Variants in ZDHHC11 observed in about 807,000 individuals in gnomAD.
The protein encoded by ZDHHC11 is palmitoyltransferase ZDHHC11.
Under a neutral mutation model 51.3 loss-of-function variants are expected in ZDHHC11, and 44 were observed. The ratio of observed to expected loss-of-function variants is 0.86; its 90% CI spans 0.67 to 1.10. ZDHHC11 has a LOEUF of 1.10. Ranked by LOEUF, ZDHHC11 falls within the 50% of genes least tolerant of loss-of-function variation. ZDHHC11 has a pLI of 0.00. For missense variants in ZDHHC11, 400 were observed against 537.7 expected (o/e 0.74, Z 2.53); for synonymous variants, 163 against 222.0 (o/e 0.73, Z 2.36).
chr5:850,829 T>C lies in ZDHHC11; in HGVS notation c.-227A>G, dbSNP rs1747104220. ...GAATGAACAGACATGCTGCAGAATGTGACCCCGGCCAGAGCCGAGTGGCAA... is the reference window on the plus strand; with the variant it reads ...GAATGAACAGACATGCTGCAGAATGCGACCCCGGCCAGAGCCGAGTGGCAA... On this transcript the variant is annotated 5_prime_UTR_variant, in exon 1 of 13. Coordinates refer to ENST00000283441, the MANE Select transcript of ZDHHC11 (RefSeq NM_024786.3). 4 of 619,748 alleles carry C rather than the reference T, an allele frequency of 6.5e-6. No homozygotes were observed. Among genetic ancestry groups the C allele is most frequent in the Non-Finnish European group, 1.1e-5 (4 of 359,618 alleles). 38.4% of individuals were successfully genotyped at this position (619,748 alleles called of 1,614,324 possible).
intron 10 of ZDHHC11, chr5:816,464 T>C (rs1213209972): frequency 2.1e-6 from 1 of 483,688 alleles, no homozygotes; most frequent in East Asian, 5.6e-5. Flanking sequence ...AAGTCGAAGA[T>C]AAGTGATATG....
At position 841,469 on chromosome 5, in the gene ZDHHC11, C is replaced by T. The variant is rs71593354; in HGVS notation, c.629-819G>A. 7.4e-3 allele frequency: 6,652 copies of T among 903,182 alleles called. 234 individuals carry two copies. Among genetic ancestry groups the T allele is most frequent in the Admixed American group, 0.015 (243 of 15,940 alleles). The allele number at this position is 903,182 out of a possible 1,614,324, so 55.9% of individuals were successfully genotyped here. A position where few individuals can be genotyped will look rare whatever the true frequency, so the allele number is the denominator to read the frequency against. ...GCCGGGGTCACAGTGCCCACCCCTTCCTCACTAAGTGCCAGGGTCACAGCA... is the reference window on the plus strand; with the variant it reads ...GCCGGGGTCACAGTGCCCACCCCTTTCTCACTAAGTGCCAGGGTCACAGCA... On this transcript the variant is annotated intron_variant, in intron 4 of 12. Coordinates refer to ENST00000283441, the MANE Select transcript of ZDHHC11 (RefSeq NM_024786.3).
intron 6 of ZDHHC11, among the ~76,000 whole-genome samples, chr5:835,873 C>T (rs998119143): frequency 4.6e-5 from 7 of 151,648 alleles, no homozygotes; most frequent in African/African-American, 1.2e-4. Context: ...AAATATAACC[C>T]GGATTTTTCA....
upstream of ZDHHC11, among the ~76,000 whole-genome samples, chr5:851,693 G>T (rs1747255791): frequency 6.6e-6 from 1 of 152,190 alleles, no homozygotes; most frequent in South Asian, 2.1e-4. Flanking sequence ...GGGGCCACAG[G>T]ACCCTGGGGC....
intron 9 of ZDHHC11, 74 bp from the exon 10 acceptor site, chr5:819,686 G>C: frequency 6.8e-7 from 1 of 1,479,898 alleles, no homozygotes; most frequent in Non-Finnish European, 9.4e-7. Context: ...GGAGGCTACA[G>C]TGTGTCCTGT....
chr5:819,951 A>T (rs925891000), intron 9 of ZDHHC11, among the ~76,000 whole-genome samples: 1 of 151,332 alleles, frequency 6.6e-6, no homozygotes, highest in African/African-American at 2.4e-5. Context: ...CTACAAGGTG[A>T]CTGTAATTTT....
At chr5:858,948 C>T (rs995044035) in exon 1 of ZDHHC11, among the ~76,000 whole-genome samples, 14 of 152,216 alleles carry the variant, frequency 9.2e-5, no homozygotes, top group Admixed American at 9.2e-4. Context: ...AAAGCAGCGT[C>T]GCTCTCGCTA....
intron 12 of ZDHHC11, among the ~76,000 whole-genome samples, chr5:799,420 A>C (rs1047963169): frequency 9.2e-5 from 14 of 151,636 alleles, no homozygotes; most frequent in African/African-American, 3.4e-4. Context: ...TTTTCTTTAT[A>C]AATTACCCAG....
At chr5:838,806 G>C (rs1744315189) in intron 5 of ZDHHC11, among the ~76,000 whole-genome samples, 2 of 151,304 alleles carry the variant, frequency 1.3e-5, no homozygotes, top group African/African-American at 4.9e-5. Flanking sequence ...TCTGCCGCCT[G>C]AGGCAAGGGC....
At chr5:812,808 C>G (rs916206895) in intron 11 of ZDHHC11, among the ~76,000 whole-genome samples, 4 of 151,294 alleles carry the variant, frequency 2.6e-5, no homozygotes, top group African/African-American at 9.7e-5. Flanking sequence ...CAATGGTTGA[C>G]TAAGCCACGG....
Position 848,600 on chromosome 5 carries a change from G to A in ZDHHC11, c.283C>T (p.Pro95Ser), listed in dbSNP as rs1329970126. 3.1e-6 allele frequency: 5 copies of A among 1,601,402 alleles called. No individual in the cohort carries two copies. Among genetic ancestry groups the A allele is most frequent in the African/African-American group, 1.3e-5 (1 of 74,470 alleles). Reference protein sequence around the residue: ...VVHLIASCIDPADSNVRLMKN... With the variant: ...VVHLIASCIDSADSNVRLMKN... ...ATGAGTCTGACATTGGAGTCGGCCG[G>A]GTCGATGCAGGACGCGATCAGGTGG... Residue 95 changes from proline to serine, a missense_variant, in exon 2 of 13, where the codon CCG (proline) becomes TCG (serine). Physicochemically the swap from Pro to Ser is moderately conservative, Grantham distance 74. Transcript: ENST00000283441.
intron 11 of ZDHHC11, among the ~76,000 whole-genome samples, chr5:811,549 G>C (rs1458324862): frequency 3.4e-5 from 5 of 147,810 alleles, no homozygotes; most frequent in Admixed American, 6.7e-5. Context: ...GCACGTTTCC[G>C]TGAAGGACGG....
intron 9 of ZDHHC11, 140 bp downstream of exon 9, chr5:821,721 C>A (rs73730958): frequency 1.2e-6 from 1 of 815,060 alleles, no homozygotes. Flanking sequence ...GCTGCTCTCT[C>A]GAAAGTGCCA....
chr5:800,719 G>A (rs183210118), intron 12 of ZDHHC11, among the ~76,000 whole-genome samples: 1 of 151,454 alleles, frequency 6.6e-6, no homozygotes, highest in Non-Finnish European at 1.5e-5. Flanking sequence ...GGATAGGTAC[G>A]GTCAGAGGCA....
intron 12 of ZDHHC11, among the ~76,000 whole-genome samples, chr5:799,373 CT>C: frequency 6.6e-6 from 1 of 151,462 alleles, no homozygotes; most frequent in Non-Finnish European, 1.5e-5. Flanking sequence ...CAATCTTCAA[CT>C]TTTCAGCCAT....
chr5:804,443 T>G (rs1299440943), intron 11 of ZDHHC11, among the ~76,000 whole-genome samples: 1 of 150,994 alleles, frequency 6.6e-6, no homozygotes, highest in African/African-American at 2.4e-5. Context: ...TTTAAAGAAA[T>G]AATGGCTGAA....
Position 850,481 on chromosome 5 carries a change from A to T in ZDHHC11, c.122T>A (p.Phe41Tyr), listed in dbSNP as rs1394662480. ...GAAGACAGCCCAGGTCACCACCTGG[A>T]AGTAGTGCAGGGGTAACGACCAGCC... ...VNGWSLPLHY[F>Y]QVVTWAVFVG... Residue 41 changes from phenylalanine to tyrosine, a missense_variant, in exon 1 of 13, where the codon TTC becomes TAC. Phe to Tyr is a conservative substitution (Grantham distance 22). Transcript: ENST00000283441. 1 of 1,613,522 alleles carries T rather than the reference A, an allele frequency of 6.2e-7. No homozygotes were observed. The highest frequency in any genetic ancestry group is 2.2e-5 in the East Asian group (1 of 44,892).
upstream of ZDHHC11, among the ~76,000 whole-genome samples, chr5:852,361 G>GA (rs1317225370): frequency 5.9e-5 from 9 of 152,272 alleles, no homozygotes; most frequent in African/African-American, 1.9e-4. Context: ...GTCTGTGAGA[G>GA]AAAAAAGAAA....
chr5:821,856 C>G lies in ZDHHC11; in HGVS notation c.1058+5G>C. ...AAAATAATCCCATTAAACTTACAAA[C>G]TCACCCAAGTGCAGATGGACACGGG... On this transcript the variant is annotated splice_donor_5th_base_variant and intron_variant, in intron 9 of 12. Transcript: ENST00000283441. 1.2e-6 allele frequency: 2 copies of G among 1,603,460 alleles called. No individual in the cohort carries two copies. The highest frequency in any genetic ancestry group is 1.1e-5 in the South Asian group (1 of 89,940).
Sources: allele counts gnomAD v4.1 joint callset (sites outside exome capture counted in the v4.1 genomes callset), GRCh38; gene constraint gnomAD v4.1.1; transcripts MANE v1.5; gene names NCBI Gene and HGNC (gene_info 2026-07-23, HGNC 2026-07-21).